WASF2: variants seen among roughly 807,000 people sequenced by gnomAD.
WASF2 encodes actin-binding protein WASF2.
WASF2 carries 14 observed loss-of-function variants against 45.0 expected under a neutral mutation model. The ratio of observed to expected loss-of-function variants is 0.31; its 90% CI spans 0.21 to 0.49. The LOEUF is 0.49. Among genes scored for constraint, WASF2 ranks in the 20% least tolerant of loss-of-function variants. The pLI, the probability that WASF2 is intolerant of heterozygous loss-of-function variation, is 0.99. For synonymous variants in WASF2, 200 were observed against 236.3 expected, an observed-to-expected ratio of 0.85 and a Z score of 1.41; for missense variants, 439 against 636.1, an observed-to-expected ratio of 0.69 and a Z score of 3.33.
intron 1 of WASF2, among the ~76,000 whole-genome samples, chr1:27,455,331 C>A (rs903718809): frequency 6.6e-6 from 1 of 152,074 alleles, no homozygotes; most frequent in Non-Finnish European, 1.5e-5. Flanking sequence ...CAGCTGCCTC[C>A]TAATAATTAA....
chr1:27,422,618 C>CAAAAAAA (rs782035111), intron 2 of WASF2, among the ~76,000 whole-genome samples: 4 of 128,832 alleles, frequency 3.1e-5, no homozygotes, highest in Non-Finnish European at 3.2e-5. Context: ...GACTCCGTCT[C>CAAAAAAA]AAAAAAAAAA....
rs1440942139 is a variant in WASF2 at position 27,407,292 on chromosome 1, A to T, written c.*897T>A. The T allele has an allele frequency of 6.6e-6, 1 of 152,648 alleles. No individual in the cohort carries two copies. Among genetic ancestry groups the T allele is most frequent in the Non-Finnish European group, 1.5e-5 (1 of 68,080 alleles). The allele number at this position is 152,648 out of a possible 1,614,324, so 9.5% of individuals were successfully genotyped here. On this transcript the variant is annotated 3_prime_UTR_variant, in exon 9 of 9. Transcript: ENST00000618852. Reference sequence around the variant, plus strand: ...TGTGACCTTGAGCAAGTCACTTCCCATCTCTAGGCCTCAGCATCCTTAAAG... The same window carrying T: ...TGTGACCTTGAGCAAGTCACTTCCCTTCTCTAGGCCTCAGCATCCTTAAAG...
At chr1:27,482,119 T>C (rs1324039107) in intron 1 of WASF2, among the ~76,000 whole-genome samples, 1 of 152,228 alleles carries the variant, frequency 6.6e-6, no homozygotes, top group African/African-American at 2.4e-5. Flanking sequence ...GTACCATTCA[T>C]AACTTCAAAC....
chr1:27,486,799 C>G (rs1414392168), intron 1 of WASF2, among the ~76,000 whole-genome samples: 1 of 151,846 alleles, frequency 6.6e-6, no homozygotes, highest in African/African-American at 2.4e-5. Context: ...CGGTGCATGC[C>G]TGTAGTCCCA....
At chr1:27,434,554 A>G (rs1197327854) in intron 1 of WASF2, among the ~76,000 whole-genome samples, 1 of 152,150 alleles carries the variant, frequency 6.6e-6, no homozygotes, top group African/African-American at 2.4e-5. Flanking sequence ...ACATCTGTCT[A>G]ATTACTAGGA....
intron 1 of WASF2, 23 bp from the exon 2 acceptor site, chr1:27,428,956 G>C (rs190044624): frequency 1.5e-5 from 22 of 1,455,358 alleles, no homozygotes; most frequent in Admixed American, 3.6e-5. Context: ...TAACAGGAAA[G>C]TATTACTCAA....
chr1:27,484,453 A>C (rs2017895689), intron 1 of WASF2, among the ~76,000 whole-genome samples: 1 of 152,214 alleles, frequency 6.6e-6, no homozygotes. Context: ...TGGAAGCTTC[A>C]TAAATTAAAA....
intron 2 of WASF2, among the ~76,000 whole-genome samples, chr1:27,420,520 T>TG (rs1446255912): frequency 7.2e-6 from 1 of 139,676 alleles, no homozygotes; most frequent in East Asian, 2.0e-4. Context: ...TGAGCTTTTT[T>TG]TTTTTTTTTT....
At chr1:27,482,046 C>T (rs1571168665) in intron 1 of WASF2, among the ~76,000 whole-genome samples, 2 of 152,162 alleles carry the variant, frequency 1.3e-5, no homozygotes, top group African/African-American at 4.8e-5. Context: ...AAGTGTGTTT[C>T]ATTTGCATAA....
chr1:27,443,343 G>A (rs982151063), intron 1 of WASF2, among the ~76,000 whole-genome samples: 2 of 147,270 alleles, frequency 1.4e-5, no homozygotes, highest in East Asian at 3.9e-4. Context: ...GCCAGGCACA[G>A]TGGCTCATGC....
chr1:27,409,447 A>G (rs112162281), intron 8 of WASF2, among the ~76,000 whole-genome samples: 5,278 of 148,836 alleles, frequency 0.035, 403 homozygotes, highest in African/African-American at 0.13. Context: ...AAAAAAAAAA[A>G]AAAAAAAAAG....
chr1:27,409,911 C>A lies in WASF2; in HGVS notation c.1120G>T (p.Asp374Tyr). The part of the protein sequence containing the change: ...PPPPPPPPAA[D>Y]YPTLPPPPLS... Reference sequence around the variant, plus strand: ...GGAGGTGGTGGCAGAGTTGGGTAGTCAGCTGCTGGTGGTGGAGGAGGAGGT... The same window carrying A: ...GGAGGTGGTGGCAGAGTTGGGTAGTAAGCTGCTGGTGGTGGAGGAGGAGGT... The change falls in exon 8 of 9, where the codon GAC becomes TAC. Residue 374 changes from aspartate (D) to tyrosine (Y), a missense_variant. By Grantham distance (160) the Asp-to-Tyr change is radical (BLOSUM62 -3). Coordinates refer to ENST00000618852, the MANE Select transcript of WASF2 (RefSeq NM_006990.5). 1 of 1,589,380 alleles carries A rather than the reference C, an allele frequency of 6.3e-7. No homozygotes were observed. Among genetic ancestry groups the A allele is most frequent in the East Asian group, 2.2e-5 (1 of 44,596 alleles).
chr1:27,473,373 G>C (rs532476357), intron 1 of WASF2, among the ~76,000 whole-genome samples: 1 of 149,640 alleles, frequency 6.7e-6, no homozygotes, highest in Non-Finnish European at 1.5e-5. Context: ...CCAGCTACTC[G>C]GGAGGCTGAG....
In WASF2 at chr1:27,405,190, C is replaced by T. The variant is rs552873533; in HGVS notation, c.*2999G>A. On this transcript the variant is annotated 3_prime_UTR_variant, in exon 9 of 9. Coordinates refer to ENST00000618852, the MANE Select transcript of WASF2 (RefSeq NM_006990.5). ...GCTCTGCGTTGACATTGGCCAGGGT[C>T]GTTTCTGAGGGCGCTCGGGCTTCCA... The T allele has an allele frequency of 2.6e-5, 4 of 152,372 alleles. No homozygotes were observed. The highest frequency in any genetic ancestry group is 2.1e-4 in the South Asian group (1 of 4,828). The allele number at this position is 152,372 out of a possible 1,614,324, so 9.4% of individuals were successfully genotyped here. A position where few individuals can be genotyped will look rare whatever the true frequency, so the allele number is the denominator to read the frequency against.
intron 1 of WASF2, among the ~76,000 whole-genome samples, chr1:27,440,550 G>A (rs954693313): frequency 2.0e-5 from 3 of 151,344 alleles, no homozygotes; most frequent in Non-Finnish European, 4.4e-5. Flanking sequence ...GTTAAAATGT[G>A]AGGAAAAAAT....
chr1:27,414,967 T>C lies in WASF2; in HGVS notation c.538-4A>G, dbSNP rs755047407. Reference sequence around the variant, plus strand: ...TTGGATTATCTTTCTTTTCTTTCTATAATGAAAAGGAACAGGAAGGTCTTT... The same window carrying C: ...TTGGATTATCTTTCTTTTCTTTCTACAATGAAAAGGAACAGGAAGGTCTTT... On this transcript the variant is annotated splice_region_variant and splice_polypyrimidine_tract_variant and intron_variant, in intron 5 of 8. Transcript: ENST00000618852. The surrounding 1 kb of genome is among the most constrained non-coding windows in gnomAD (Gnocchi z 4.1). 11 of 1,613,902 alleles carry C rather than the reference T, an allele frequency of 6.8e-6. No homozygotes were observed. The highest frequency in any genetic ancestry group is 9.3e-6 in the Non-Finnish European group (11 of 1,179,946).
rs1557626166 is a variant in WASF2 at position 27,487,111 on chromosome 1, T to C, written c.-44+2875A>G. The stretch of plus-strand genomic sequence containing the variant: ...TATAATATAATCTATATAGAGAGAT[T>C]TTTTTTTGAGACGGAGTCTCGCTCT... On this transcript the variant is annotated intron_variant, in intron 1 of 8. Transcript: ENST00000618852. 3.4e-5 allele frequency among the ~76,000 whole-genome samples: 5 copies of C among 147,026 alleles called. No homozygotes were observed. The Admixed American group carries it at 3.5e-4, about 10-fold the overall frequency.
In WASF2 at chr1:27,419,006, C is replaced by A; in HGVS notation, c.213G>T (p.Arg71Ser). 6.2e-7 allele frequency: 1 copy of A among 1,613,940 alleles called. No homozygotes were observed. The change falls in exon 3 of 9, where the codon AGG (arginine) becomes AGT (serine). Residue 71 changes from arginine (R) to serine (S), a missense_variant. Around this residue, in one of 5 missense-constraint regions of WASF2, gnomAD observed 98 missense variants for 120.7 expected, o/e 0.81. Coordinates refer to ENST00000618852, the MANE Select transcript of WASF2 (RefSeq NM_006990.5). ...TGACTTTAACCTGTAGTCGGTCGACCCTCTCAGCAAGGGAGCTTACCCGAG... is the reference window on the plus strand; with the variant it reads ...TGACTTTAACCTGTAGTCGGTCGACACTCTCAGCAAGGGAGCTTACCCGAG... ...FASRVSSLAE[R>S]VDRLQVKVTQ...
intron 1 of WASF2, among the ~76,000 whole-genome samples, chr1:27,434,905 TCAAA>T (rs2017111298): frequency 1.3e-5 from 2 of 152,170 alleles, no homozygotes; most frequent in South Asian, 2.1e-4. Context: ...TAAGGTCCCC[TCAAA>T]CAGTGAGATT....
Sources: gnomAD v4.1 joint callset for allele counts (sites outside exome capture counted in the v4.1 genomes callset) on GRCh38, gnomAD v4.1.1 for gene constraint, gnomAD v4.1.1 regional missense constraint, Gnocchi (gnomAD v3.1) non-coding constraint, MANE v1.5 for transcripts, NCBI Gene and HGNC (gene_info 2026-07-23, HGNC 2026-07-21) for gene names.